Variants in SCARB1 observed in about 807,000 individuals in gnomAD.
SCARB1 encodes CD36 and LIMPII analogous 1.
A neutral mutation model predicts 57.2 loss-of-function variants in SCARB1; 30 were observed. That is an observed-to-expected ratio of 0.52 (90% CI 0.39 to 0.71). The LOEUF (loss-of-function observed/expected upper bound fraction) is 0.71. Ranked by LOEUF, SCARB1 falls within the 30% of genes least tolerant of loss-of-function variation. SCARB1 has a pLI of 0.00. For synonymous variants in SCARB1, 249 were observed against 268.3 expected (o/e 0.93, Z 0.70); for missense variants, 543 against 671.2 (o/e 0.81, Z 2.11).
intron 12 of SCARB1, among the ~76,000 whole-genome samples, chr12:124,779,229 G>A (rs1872924494): frequency 1.3e-5 from 2 of 152,186 alleles, no homozygotes; most frequent in Non-Finnish European, 1.5e-5. Context: ...GATTCCAGGC[G>A]TGAGACACCA....
At position 124,826,061 on chromosome 12, in the gene SCARB1, C is replaced by T. The variant is rs371292147; in HGVS notation, c.127-8354G>A. Among the ~76,000 whole-genome samples the T allele has an allele frequency of 4.6e-5, 7 of 150,974 alleles. 1 individual carries two copies. The highest frequency in any genetic ancestry group is 1.7e-4 in the African/African-American group (7 of 41,140). ...TCACCACTAAAAACAAAGAGGTGGC[C>T]GGGACTCATGCCTGTAATCCCAGCA... On this transcript the variant is annotated intron_variant, in intron 1 of 12. Coordinates refer to ENST00000261693, the MANE Select transcript of SCARB1 (RefSeq NM_005505.5).
intron 1 of SCARB1, among the ~76,000 whole-genome samples, chr12:124,832,058 C>T (rs901015082): frequency 6.6e-5 from 10 of 152,180 alleles, no homozygotes; most frequent in South Asian, 2.1e-4. Flanking sequence ...GAAGGAGAAA[C>T]GAAGGAAACG....
intron 1 of SCARB1, among the ~76,000 whole-genome samples, chr12:124,845,054 T>A (rs1952085397): frequency 6.6e-6 from 1 of 151,484 alleles, no homozygotes; most frequent in Non-Finnish European, 1.5e-5. Flanking sequence ...CACACTCAGG[T>A]TTACAGACGC....
chr12:124,807,023 A>AC lies in SCARB1; in HGVS notation c.1009+737dup, dbSNP rs1950347528. ...AGACCAGCCTGGGCAACATGGTGAA[A>AC]CCCCCATCTCTACCAAAAATACAAA... On this transcript the variant is annotated intron_variant, in intron 7 of 12. Transcript: ENST00000261693. The surrounding 1 kb of genome is among the most constrained non-coding windows in gnomAD (Gnocchi z 5.3). Among the ~76,000 whole-genome samples, 1 of 151,842 alleles carries AC rather than the reference A, an allele frequency of 6.6e-6. No homozygotes were observed. Among genetic ancestry groups the AC allele is most frequent in the South Asian group, 2.1e-4 (1 of 4,804 alleles).
At position 124,789,628 on chromosome 12, in the gene SCARB1, G is replaced by A. The variant is rs774764627; in HGVS notation, c.1203-2171C>T. Among the ~76,000 whole-genome samples, 11 of 148,580 alleles carry A rather than the reference G, an allele frequency of 7.4e-5. No homozygotes were observed. Among genetic ancestry groups the A allele is most frequent in the African/African-American group, 1.3e-4 (5 of 38,188 alleles). On this transcript the variant is annotated intron_variant, in intron 9 of 12. Coordinates refer to ENST00000261693, the MANE Select transcript of SCARB1 (RefSeq NM_005505.5). This position sits in a 1 kb window ranked among gnomAD's most constrained non-coding sequence, Gnocchi z 4.4. The stretch of plus-strand genomic sequence containing the variant: ...CACAAAAGTCCTTAAAGAGAGAAGC[G>A]GGAAGTCCTAGCCAGAGCAATCAGG...
Position 124,846,618 on chromosome 12 carries a change from G to A in SCARB1, c.126+16977C>T, listed in dbSNP as rs573888328. On this transcript the variant is annotated intron_variant, in intron 1 of 12. Transcript: ENST00000261693. ...ACAAAAATTAGCTGGGCATGGTGGT[G>A]CACTTGGGAGGCTGAGGCAGGAGAA... is the stretch of plus-strand genomic sequence containing the variant. Among the ~76,000 whole-genome samples the A allele has an allele frequency of 4.0e-5, 6 of 150,848 alleles. No individual in the cohort carries two copies. In the East Asian group the frequency reaches 9.8e-4, roughly 25 times the overall value.
At chr12:124,834,142 C>T (rs1188895381) in intron 1 of SCARB1, among the ~76,000 whole-genome samples, 1 of 152,254 alleles carries the variant, frequency 6.6e-6, no homozygotes, top group Non-Finnish European at 1.5e-5. Flanking sequence ...ATGCAGGCAA[C>T]AGCCAGCAGG....
chr12:124,782,772 A>G lies in SCARB1; in HGVS notation c.1441T>C (p.Ser481Pro), dbSNP rs1373200834. Reference protein sequence around the residue: ...YLFWSSSKKGSKDKEAIQAYS... With the variant: ...YLFWSSSKKGPKDKEAIQAYS... ...GCCTGAATGGCCTCCTTATCCTTTG[A>G]GCCCTTTTTACTACTACTCCAAAAT... Residue 481 changes from serine to proline, a missense_variant, in exon 12 of 13, where the codon TCA (serine) becomes CCA (proline). Ser to Pro is a moderately conservative substitution (Grantham distance 74). Transcript: ENST00000261693. 1 of 1,613,604 alleles carries G rather than the reference A, an allele frequency of 6.2e-7. No homozygotes were observed. Among genetic ancestry groups the G allele is most frequent in the Non-Finnish European group, 8.5e-7 (1 of 1,179,612 alleles).
At chr12:124,851,939 C>G (rs1002065120) in intron 1 of SCARB1, among the ~76,000 whole-genome samples, 1 of 152,048 alleles carries the variant, frequency 6.6e-6, no homozygotes, top group Non-Finnish European at 1.5e-5. Flanking sequence ...GGCGCCCGGC[C>G]TATAAATGGT....
intron 12 of SCARB1, among the ~76,000 whole-genome samples, 195 bp downstream of exon 12, chr12:124,782,488 A>C (rs1949352950): frequency 6.6e-6 from 1 of 152,228 alleles, no homozygotes; most frequent in Admixed American, 6.5e-5. Flanking sequence ...GATCAAAAAA[A>C]CTGCTATTCA....
chr12:124,859,307 C>CA (rs1952782165), intron 1 of SCARB1, among the ~76,000 whole-genome samples: 1 of 152,168 alleles, frequency 6.6e-6, no homozygotes, highest in South Asian at 2.1e-4. Flanking sequence ...AGGGGAAGAT[C>CA]ACAAGGTCAG....
intron 1 of SCARB1, among the ~76,000 whole-genome samples, chr12:124,831,669 C>A (rs1327816917): frequency 6.6e-6 from 1 of 152,164 alleles, no homozygotes; most frequent in Non-Finnish European, 1.5e-5. Flanking sequence ...GTCCCCTCAA[C>A]CCCCTGCCCA....
chr12:124,818,069 T>C (rs1030320237), intron 1 of SCARB1, among the ~76,000 whole-genome samples: 2 of 152,114 alleles, frequency 1.3e-5, no homozygotes, highest in Non-Finnish European at 1.5e-5. Flanking sequence ...GAACATGGGC[T>C]CCGTGTGGCC....
chr12:124,839,675 C>T lies in SCARB1; in HGVS notation c.127-21968G>A, dbSNP rs553604688. 689 of 977,872 alleles carry T rather than the reference C, an allele frequency of 7.0e-4. 34 individuals are homozygous for T. In the African/African-American group the frequency reaches 0.013, roughly 18 times the overall value. 60.6% of individuals were successfully genotyped at this position (977,872 alleles called of 1,614,324 possible). A position where few individuals can be genotyped will look rare whatever the true frequency, so the allele number is the denominator to read the frequency against. On this transcript the variant is annotated intron_variant, in intron 1 of 12. Transcript: ENST00000261693. ...CGGCACACATGGGCCCCGATTTCTC[C>T]GCACCCTCACCCCAACGGCACACAT...
chr12:124,790,550 C>G (rs1949688046), intron 9 of SCARB1, among the ~76,000 whole-genome samples: 1 of 152,196 alleles, frequency 6.6e-6, no homozygotes, highest in Non-Finnish European at 1.5e-5. Flanking sequence ...GTGTTCCTTT[C>G]AGACTTCAGA....
In SCARB1 at chr12:124,854,625, T is replaced by C. The variant is rs539901202; in HGVS notation, c.126+8970A>G. ...GCGCCTCGGGCGTGGTGAGAAGTAGTTGGAATCTGGGTATATTTAGATGAT... is the reference window on the plus strand; with the variant it reads ...GCGCCTCGGGCGTGGTGAGAAGTAGCTGGAATCTGGGTATATTTAGATGAT... On this transcript the variant is annotated intron_variant, in intron 1 of 12. Transcript: ENST00000261693. Among the ~76,000 whole-genome samples the C allele has an allele frequency of 1.6e-4, 25 of 152,120 alleles. No homozygotes were observed. The South Asian group carries it at 3.5e-3, about 21-fold the overall frequency.
chr12:124,781,088 C>T (rs1414533601), intron 12 of SCARB1, among the ~76,000 whole-genome samples: 2 of 152,178 alleles, frequency 1.3e-5, no homozygotes, highest in East Asian at 3.9e-4. Context: ...TATTAACACT[C>T]CACCCCAACA....
chr12:124,841,992 G>A (rs1403247240), intron 1 of SCARB1, among the ~76,000 whole-genome samples: 2 of 152,120 alleles, frequency 1.3e-5, no homozygotes, highest in Non-Finnish European at 2.9e-5. Flanking sequence ...AGTAAACATG[G>A]GCCGAAAGGA....
At chr12:124,826,317 C>G (rs113786460) in intron 1 of SCARB1, among the ~76,000 whole-genome samples, 44 of 130,494 alleles carry the variant, frequency 3.4e-4, no homozygotes, top group Non-Finnish European at 5.6e-4. Context: ...GGTGACAGAG[C>G]GAGACCCTGT....
Sources: gnomAD v4.1 joint callset for allele counts (sites outside exome capture counted in the v4.1 genomes callset) on GRCh38, gnomAD v4.1.1 for gene constraint, Gnocchi (gnomAD v3.1) non-coding constraint, MANE v1.5 for transcripts, NCBI Gene and HGNC (gene_info 2026-07-23, HGNC 2026-07-21) for gene names.